Variants in SYT1 observed in about 807,000 individuals in gnomAD.
SYT1 encodes the protein synaptotagmin 1, also known as synaptotagmin-1.
SYT1 carries 8 observed loss-of-function variants against 44.8 expected under a neutral mutation model. The observed-to-expected ratio is 0.18, with a 90% CI of 0.10 to 0.32. The LOEUF (loss-of-function observed/expected upper bound fraction) is 0.32. SYT1 is among the 10% of genes least tolerant of loss of function. The pLI, the probability that SYT1 is intolerant of heterozygous loss-of-function variation, is 1.00. For missense variants in SYT1, 286 were observed against 509.3 expected (o/e 0.56, Z 4.22); for synonymous variants, 154 against 188.8 (o/e 0.82, Z 1.51).
At chr12:78,921,660 T>C (rs1379579890) in intron 1 of SYT1, among the ~76,000 whole-genome samples, 1 of 151,968 alleles carries the variant, frequency 6.6e-6, no homozygotes, top group Non-Finnish European at 1.5e-5. Context: ...TTCTTCCCAT[T>C]GGTATGCTGC....
At chr12:79,354,698 G>A (rs927371671) in intron 9 of SYT1, among the ~76,000 whole-genome samples, 3 of 152,158 alleles carry the variant, frequency 2.0e-5, no homozygotes, top group African/African-American at 7.2e-5. Context: ...GCCTAGCAGT[G>A]TAACACAGCA....
At chr12:79,276,922 T>C (rs1419968296) in intron 4 of SYT1, among the ~76,000 whole-genome samples, 1 of 123,300 alleles carries the variant, frequency 8.1e-6, no homozygotes, top group East Asian at 2.3e-4. Context: ...GAAGGAAAAA[T>C]GATGAAGGAA....
At chr12:79,381,441 T>A (rs1004676213) in intron 9 of SYT1, among the ~76,000 whole-genome samples, 8 of 152,202 alleles carry the variant, frequency 5.3e-5, no homozygotes, top group African/African-American at 1.9e-4. Context: ...TAACAGCACT[T>A]CATTGAAATG....
chr12:79,363,432 A>G (rs2136029713), intron 9 of SYT1, among the ~76,000 whole-genome samples: 1 of 152,140 alleles, frequency 6.6e-6, no homozygotes, highest in East Asian at 1.9e-4. Context: ...TCTTTTAAAA[A>G]CAACTGTACT....
chr12:79,402,938 TAC>T (rs1885120793), intron 9 of SYT1, among the ~76,000 whole-genome samples: 1 of 152,208 alleles, frequency 6.6e-6, no homozygotes, highest in Non-Finnish European at 1.5e-5. Flanking sequence ...TTTTTCATAA[TAC>T]CACGAACAAA....
At chr12:79,218,962 T>G (rs1408152698) in intron 4 of SYT1, among the ~76,000 whole-genome samples, 1 of 152,212 alleles carries the variant, frequency 6.6e-6, no homozygotes, top group Non-Finnish European at 1.5e-5. Flanking sequence ...GTGGTTGTAG[T>G]AATTTACATT....
rs193180174 is a variant in SYT1, at chr12:79,142,272, C to T, written c.-17-75231C>T. On this transcript the variant is annotated intron_variant, in intron 3 of 10. Coordinates refer to ENST00000261205, the MANE Select transcript of SYT1 (RefSeq NM_005639.3). ...GATCCCTGTGGTGCCAGGTAAGCGT[C>T]TCACCTTCACTACTAATGCTCTAAA... Among the ~76,000 whole-genome samples, 883 of 152,300 alleles carry T rather than the reference C, an allele frequency of 5.8e-3. 2 individuals are homozygous for T. Among genetic ancestry groups the T allele is most frequent in the Non-Finnish European group, 9.5e-3 (648 of 68,016 alleles).
At chr12:78,936,442 T>C (rs1295991594) in intron 1 of SYT1, among the ~76,000 whole-genome samples, 1 of 152,182 alleles carries the variant, frequency 6.6e-6, no homozygotes, top group Non-Finnish European at 1.5e-5. Flanking sequence ...TCATTACATA[T>C]GTGTTACGTC....
intron 9 of SYT1, among the ~76,000 whole-genome samples, chr12:79,443,360 A>G (rs1314738675): frequency 6.6e-6 from 1 of 152,132 alleles, no homozygotes; most frequent in East Asian, 1.9e-4. Flanking sequence ...TACTCACCAT[A>G]TCATCCTTGG....
At chr12:79,024,023 G>C (rs1204683403) in intron 2 of SYT1, among the ~76,000 whole-genome samples, 2 of 151,676 alleles carry the variant, frequency 1.3e-5, no homozygotes, top group Non-Finnish European at 2.9e-5. Context: ...TAAATTCTTC[G>C]CAACACTGCC....
chr12:79,250,702 G>A (rs1429204660), intron 4 of SYT1, among the ~76,000 whole-genome samples: 1 of 152,040 alleles, frequency 6.6e-6, no homozygotes, highest in Non-Finnish European at 1.5e-5. Context: ...TATTTTAGGT[G>A]GGGGGAACTC....
intron 3 of SYT1, among the ~76,000 whole-genome samples, chr12:79,119,782 C>T (rs1879494883): frequency 6.6e-6 from 1 of 152,122 alleles, no homozygotes; most frequent in Non-Finnish European, 1.5e-5. Flanking sequence ...TCCTTTACTT[C>T]CTGAATTAAT....
intron 4 of SYT1, among the ~76,000 whole-genome samples, chr12:79,262,917 A>T (rs552440010): frequency 8.5e-5 from 13 of 152,338 alleles, no homozygotes; most frequent in Non-Finnish European, 1.8e-4. Flanking sequence ...GATAGAGTAC[A>T]TAGAAAAGAG....
intron 3 of SYT1, among the ~76,000 whole-genome samples, chr12:79,074,910 A>G (rs1876536245): frequency 6.6e-6 from 1 of 152,010 alleles, no homozygotes; most frequent in African/African-American, 2.4e-5. Context: ...TTGGTTGGAT[A>G]TTGCTTTTTA....
chr12:79,149,693 T>A (rs1565827751), intron 3 of SYT1, among the ~76,000 whole-genome samples: 1 of 152,160 alleles, frequency 6.6e-6, no homozygotes, highest in African/African-American at 2.4e-5. Flanking sequence ...TGCTTAAACA[T>A]CACTGCCTCA....
chr12:79,212,506 A>G (rs1874520704), intron 3 of SYT1, among the ~76,000 whole-genome samples: 4 of 151,874 alleles, frequency 2.6e-5, no homozygotes. Flanking sequence ...ATGAAAAAAA[A>G]AAAAAGAAAA....
chr12:79,146,632 A>G (rs1355042165), intron 3 of SYT1, among the ~76,000 whole-genome samples: 1 of 152,192 alleles, frequency 6.6e-6, no homozygotes, highest in Non-Finnish European at 1.5e-5. Context: ...ATTAATAATT[A>G]AACAAAAAGG....
At chr12:79,005,049 G>T (rs1016777171) in intron 2 of SYT1, among the ~76,000 whole-genome samples, 8 of 151,964 alleles carry the variant, frequency 5.3e-5, no homozygotes, top group African/African-American at 1.2e-4. Flanking sequence ...TGCTTATTGT[G>T]TGGGCACAGT....
intron 3 of SYT1, among the ~76,000 whole-genome samples, chr12:79,076,269 C>G (rs1369306575): frequency 6.6e-6 from 1 of 152,010 alleles, no homozygotes; most frequent in Admixed American, 6.6e-5. Context: ...CGAGGCACCT[C>G]TAGAATGAGG....
Sources: allele counts gnomAD v4.1 joint callset (sites outside exome capture counted in the v4.1 genomes callset), GRCh38; gene constraint gnomAD v4.1.1; transcripts MANE v1.5; gene names NCBI Gene and HGNC (gene_info 2026-07-23, HGNC 2026-07-21).